RYR2: variants seen among roughly 807,000 people sequenced by gnomAD.
RYR2 encodes cardiac muscle ryanodine receptor-calcium release channel.
Under a neutral mutation model 601.1 loss-of-function variants are expected in RYR2, and 227 were observed. The ratio of observed to expected loss-of-function variants is 0.38; its 90% confidence interval spans 0.34 to 0.42. The LOEUF (loss-of-function observed/expected upper bound fraction) is 0.42, where lower values mean the gene tolerates loss of function less well. RYR2 is among the 10% of genes least tolerant of loss of function. RYR2 has a pLI of 1.00. For synonymous variants in RYR2, 2,223 were observed against 2,175.1 expected (o/e 1.02, Z -0.61); for missense variants, 4,646 against 6,156.5 (o/e 0.75, Z 8.21).
intron 2 of RYR2, among the ~76,000 whole-genome samples, chr1:237,300,597 A>T (rs1022117437): frequency 6.6e-6 from 1 of 152,112 alleles, no homozygotes; most frequent in Non-Finnish European, 1.5e-5. Context: ...GCTGACTTTC[A>T]TGAGTTGCTG....
chr1:237,367,318 C>CT (rs1700277082), intron 5 of RYR2, among the ~76,000 whole-genome samples: 1 of 152,132 alleles, frequency 6.6e-6, no homozygotes, highest in Non-Finnish European at 1.5e-5. Context: ...TCTTGAACTC[C>CT]TGACCTCACA....
At chr1:237,627,709 A>G in intron 40 of RYR2, 98 bp from the exon 41 acceptor site, 1 of 1,263,612 alleles carries the variant, frequency 7.9e-7, no homozygotes, top group Non-Finnish European at 1.1e-6. Flanking sequence ...GTACAAATAG[A>G]AATACCAATT....
chr1:237,304,562 G>A (rs147563643), intron 2 of RYR2, among the ~76,000 whole-genome samples: 16 of 152,266 alleles, frequency 1.1e-4, no homozygotes, highest in African/African-American at 2.9e-4. Flanking sequence ...GTTGTTATGC[G>A]TCCTCAAGCT....
chr1:237,419,586 C>T (rs1245460929), intron 11 of RYR2, among the ~76,000 whole-genome samples: 3 of 152,148 alleles, frequency 2.0e-5, no homozygotes, highest in African/African-American at 7.2e-5. Flanking sequence ...GTCCAGATGT[C>T]ACTGAGGGGA....
At chr1:237,770,738 G>A in intron 84 of RYR2, 69 bp from the exon 85 acceptor site, 1 of 939,790 alleles carries the variant, frequency 1.1e-6, no homozygotes, top group Non-Finnish European at 1.7e-6. Context: ...GTTGTATGGA[G>A]GTGGGGACAG....
intron 2 of RYR2, among the ~76,000 whole-genome samples, chr1:237,295,083 G>A (rs1371201322): frequency 1.3e-5 from 2 of 152,106 alleles, no homozygotes; most frequent in Admixed American, 1.3e-4. Flanking sequence ...GGGCGTGGCA[G>A]TGTGTGCCTG....
chr1:237,333,007 AT>A (rs1696901084), intron 3 of RYR2, among the ~76,000 whole-genome samples: 1 of 152,168 alleles, frequency 6.6e-6, no homozygotes, highest in Non-Finnish European at 1.5e-5. Context: ...TTTTCAAGAC[AT>A]TTATTAGTTA....
intron 1 of RYR2, among the ~76,000 whole-genome samples, chr1:237,141,329 T>G (rs573651463): frequency 6.6e-6 from 1 of 152,352 alleles, no homozygotes; most frequent in East Asian, 1.9e-4. Flanking sequence ...GAAATCTTCT[T>G]ATTCCTTGTT....
At chr1:237,789,966 T>C (rs1374800819) in intron 92 of RYR2, among the ~76,000 whole-genome samples, 2 of 152,172 alleles carry the variant, frequency 1.3e-5, no homozygotes, top group Non-Finnish European at 2.9e-5. Context: ...GCTCTGGCAG[T>C]AAAGATGGGG....
At chr1:237,670,506 G>A (rs560617283) in intron 58 of RYR2, among the ~76,000 whole-genome samples, 45 of 152,292 alleles carry the variant, frequency 3.0e-4, no homozygotes, top group Non-Finnish European at 2.6e-4. Context: ...TGGATGGATG[G>A]CAAATGAGTC....
intron 101 of RYR2, among the ~76,000 whole-genome samples, chr1:237,823,479 G>A (rs948324261): frequency 2.0e-5 from 3 of 151,986 alleles, no homozygotes; most frequent in African/African-American, 4.8e-5. Flanking sequence ...CTTTGAAACC[G>A]ATGAGAACAA....
intron 62 of RYR2, among the ~76,000 whole-genome samples, chr1:237,687,248 ACT>A (rs1346869997): frequency 6.8e-6 from 1 of 147,338 alleles, no homozygotes; most frequent in Admixed American, 6.7e-5. Flanking sequence ...GCACTCAAAG[ACT>A]CTTTCTTTAA....
intron 1 of RYR2, among the ~76,000 whole-genome samples, chr1:237,052,502 A>G (rs1404757531): frequency 6.6e-6 from 1 of 152,240 alleles, no homozygotes; most frequent in African/African-American, 2.4e-5. Flanking sequence ...TGCCGCCTTG[A>G]TCTCTAAAAG....
At chr1:237,089,575 T>C (rs1337426749) in intron 1 of RYR2, among the ~76,000 whole-genome samples, 8 of 152,266 alleles carry the variant, frequency 5.3e-5, no homozygotes, top group Admixed American at 3.3e-4. Context: ...ACCTCACATT[T>C]ATTGCCAGCC....
chr1:237,508,820 GC>G (rs1172670874), intron 23 of RYR2, among the ~76,000 whole-genome samples: 38 of 133,028 alleles, frequency 2.9e-4, no homozygotes, highest in Non-Finnish European at 5.4e-4. Flanking sequence ...TCGGCTCACT[GC>G]AAGCTCCGCC....
At chr1:237,349,551 A>T in intron 3 of RYR2, among the ~76,000 whole-genome samples, 1 of 152,212 alleles carries the variant, frequency 6.6e-6, no homozygotes, top group East Asian at 1.9e-4. Context: ...TAATCGTATT[A>T]ATGCCTTGTG....
chr1:237,730,405 C>A, intron 77 of RYR2, 49 bp downstream of exon 77: 1 of 1,014,692 alleles, frequency 9.9e-7, no homozygotes, highest in Admixed American at 1.8e-5. Context: ...AGGCTTGGTG[C>A]AGCAATGTTG....
chr1:237,760,869 T>C, intron 83 of RYR2, 86 bp from the exon 84 acceptor site: 1 of 800,334 alleles, frequency 1.2e-6, no homozygotes, highest in South Asian at 1.6e-5. Flanking sequence ...TCTTCCAAGA[T>C]ATATGGTGTT....
chr1:237,232,824 G>C (rs1685141235), intron 1 of RYR2, among the ~76,000 whole-genome samples: 2 of 152,132 alleles, frequency 1.3e-5, no homozygotes, highest in Admixed American at 6.6e-5. Flanking sequence ...CTGGTGTGTG[G>C]GGAGAAACCC....
Sources: gnomAD v4.1 joint callset for allele counts (sites outside exome capture counted in the v4.1 genomes callset) on GRCh38, gnomAD v4.1.1 for gene constraint, MANE v1.5 for transcripts, NCBI Gene and HGNC (gene_info 2026-07-23, HGNC 2026-07-21) for gene names.